GYPC: variants seen among roughly 807,000 people sequenced by gnomAD.
The protein encoded by GYPC is glycophorin-C.
Under a neutral mutation model 12.6 loss-of-function variants are expected in GYPC, and 14 were observed. That is an observed-to-expected ratio of 1.11 (90% CI 0.74 to 1.74). The LOEUF (loss-of-function observed/expected upper bound fraction) is 1.74. GYPC is among the 40% of genes most tolerant of loss of function. The pLI is 0.00. For missense variants in GYPC, 225 were observed against 172.1 expected (o/e 1.31, Z -1.72); for synonymous variants, 78 against 62.1 (o/e 1.26, Z -1.20).
intron 1 of GYPC, chr2:126,680,310 G>A (rs1683119187): frequency 6.6e-6 from 1 of 152,036 alleles, no homozygotes; most frequent in Admixed American, 6.6e-5. Context: ...GAGGCCAAGA[G>A]GGGAAACTGA....
chr2:126,670,841 C>G (rs1458096218), intron 1 of GYPC, among the ~76,000 whole-genome samples: 1 of 152,194 alleles, frequency 6.6e-6, no homozygotes, highest in Non-Finnish European at 1.5e-5. Context: ...TTCTTGGGGC[C>G]CAACAGCACC....
Position 126,695,966 on chromosome 2 carries a change from A to G in GYPC, c.211A>G (p.Ile71Val), listed in dbSNP as rs753887364. The change falls in exon 4 of 4, where the codon ATC (isoleucine) becomes GTC (valine). Residue 71 changes from isoleucine (I) to valine (V), a missense_variant. Transcript: ENST00000259254. ...VIAGVIAAVA[I>V]VLVSLLFVML... ...TGCAGGTGTGATTGCTGCTGTGGCCATCGTCCTAGTCTCCCTCCTCTTCGT... is the reference window on the plus strand; with the variant it reads ...TGCAGGTGTGATTGCTGCTGTGGCCGTCGTCCTAGTCTCCCTCCTCTTCGT... 14 of 1,613,930 alleles carry G rather than the reference A, an allele frequency of 8.7e-6. No individual in the cohort carries two copies. In the South Asian group the frequency reaches 1.2e-4, roughly 14 times the overall value.
Position 126,656,189 on chromosome 2 carries a change from G to A in GYPC, c.-75G>A. ...GCCGCCGAGGGTCAGGAGCCCGGGA[G>A]CGCGACCCTCCCCCGGCCCGGCCTG... On this transcript the variant is annotated 5_prime_UTR_variant, in exon 1 of 4. Transcript: ENST00000259254. 1 of 1,533,916 alleles carries A rather than the reference G, an allele frequency of 6.5e-7. No homozygotes were observed. Among genetic ancestry groups the A allele is most frequent in the Non-Finnish European group, 8.8e-7 (1 of 1,139,394 alleles).
At chr2:126,674,765 A>T (rs1483879958) in intron 1 of GYPC, among the ~76,000 whole-genome samples, 1 of 152,162 alleles carries the variant, frequency 6.6e-6, no homozygotes, top group African/African-American at 2.4e-5. Context: ...CTCTGGCTGG[A>T]GGGGTTCACC....
chr2:126,669,680 C>G (rs1682786571), intron 1 of GYPC, among the ~76,000 whole-genome samples: 1 of 152,178 alleles, frequency 6.6e-6, no homozygotes, highest in Non-Finnish European at 1.5e-5. Flanking sequence ...AGAAAACTAA[C>G]AATGCTAGAG....
intron 1 of GYPC, among the ~76,000 whole-genome samples, chr2:126,668,201 C>CT (rs1682740988): frequency 6.6e-6 from 1 of 152,124 alleles, no homozygotes; most frequent in Non-Finnish European, 1.5e-5. Context: ...TTGTTTTTGA[C>CT]TTTTTTTGCA....
chr2:126,677,806 A>G (rs573037595), intron 1 of GYPC, among the ~76,000 whole-genome samples: 11 of 152,312 alleles, frequency 7.2e-5, no homozygotes, highest in African/African-American at 2.4e-4. Context: ...CATGCTCCCT[A>G]TGCCACCTAT....
intron 1 of GYPC, among the ~76,000 whole-genome samples, chr2:126,688,494 T>C (rs753377964): frequency 1.3e-5 from 2 of 152,178 alleles, no homozygotes; most frequent in Non-Finnish European, 2.9e-5. Context: ...TGTAATAAAG[T>C]CTAGCACCCA....
At chr2:126,686,329 C>T in intron 1 of GYPC, 3 of 985,750 alleles carry the variant, frequency 3.0e-6, no homozygotes, top group Non-Finnish European at 3.6e-6. Flanking sequence ...GAGAGCACTG[C>T]CCGCACTGCA....
chr2:126,693,398 A>G (rs990585419), intron 2 of GYPC, among the ~76,000 whole-genome samples: 2 of 152,142 alleles, frequency 1.3e-5, no homozygotes, highest in Admixed American at 6.6e-5. Context: ...AGCCACTAGA[A>G]CTGTGAGCCA....
At chr2:126,694,472 G>A (rs535208257) in intron 3 of GYPC, among the ~76,000 whole-genome samples, 44 of 151,922 alleles carry the variant, frequency 2.9e-4, no homozygotes, top group East Asian at 1.8e-3. Context: ...TGTGCTCTGC[G>A]ACCTTCTTTG....
At chr2:126,694,006 T>C in intron 3 of GYPC, 59 bp downstream of exon 3, 1 of 1,152,596 alleles carries the variant, frequency 8.7e-7, no homozygotes, top group South Asian at 1.2e-5. Flanking sequence ...GGTGAAAACA[T>C]CCAGGGGAGA....
chr2:126,695,939 C>T lies in GYPC; in HGVS notation c.191-7C>T, dbSNP rs1274302427. The stretch of plus-strand genomic sequence containing the variant: ...AGACTGACCCTTGCACCTCTTCCCA[C>T]CTGCAGGTGTGATTGCTGCTGTGGC... On this transcript the variant is annotated splice_polypyrimidine_tract_variant and splice_region_variant and intron_variant, in intron 3 of 3. Coordinates refer to ENST00000259254, the MANE Select transcript of GYPC (RefSeq NM_002101.5). The T allele has an allele frequency of 1.2e-6, 2 of 1,613,302 alleles. No homozygotes were observed. Among genetic ancestry groups the T allele is most frequent in the Admixed American group, 3.3e-5 (2 of 60,032 alleles).
intron 1 of GYPC, among the ~76,000 whole-genome samples, chr2:126,662,431 T>G (rs779426584): frequency 5.3e-5 from 8 of 152,154 alleles, no homozygotes; most frequent in Non-Finnish European, 1.2e-4. Flanking sequence ...CAAATAGACT[T>G]TGTGTCAATT....
intron 2 of GYPC, 138 bp downstream of exon 2, chr2:126,690,449 G>A (rs980802569): frequency 1.1e-5 from 8 of 735,598 alleles, no homozygotes; most frequent in East Asian, 5.3e-5. Flanking sequence ...TAAGGACTTG[G>A]ACAGGGGTGG....
At chr2:126,685,999 G>A in intron 1 of GYPC, 1 of 985,376 alleles carries the variant, frequency 1.0e-6, no homozygotes, top group Non-Finnish European at 1.2e-6. Flanking sequence ...TCTTTGCTGG[G>A]ACAGATGGAC....
intron 1 of GYPC, among the ~76,000 whole-genome samples, chr2:126,668,235 A>G (rs1254811753): frequency 6.6e-6 from 1 of 152,230 alleles, no homozygotes; most frequent in Non-Finnish European, 1.5e-5. Flanking sequence ...TATAAAATTA[A>G]TTCTTAGATG....
intron 1 of GYPC, among the ~76,000 whole-genome samples, chr2:126,688,935 G>A (rs767609541): frequency 6.6e-6 from 1 of 152,134 alleles, no homozygotes; most frequent in South Asian, 2.1e-4. Flanking sequence ...ATGGGAATAC[G>A]GGATTTCCTA....
intron 1 of GYPC, among the ~76,000 whole-genome samples, chr2:126,674,733 G>A (rs1483745337): frequency 6.6e-6 from 1 of 152,164 alleles, no homozygotes; most frequent in Non-Finnish European, 1.5e-5. Flanking sequence ...GAAAGCCCAA[G>A]CACCTTGCTC....
Sources: allele counts gnomAD v4.1 joint callset (sites outside exome capture counted in the v4.1 genomes callset), GRCh38; gene constraint gnomAD v4.1.1; transcripts MANE v1.5; gene names NCBI Gene and HGNC (gene_info 2026-07-23, HGNC 2026-07-21).